PHF3: variants seen among roughly 807,000 people sequenced by gnomAD.
PHF3 encodes PHD finger protein 3.
Under a neutral mutation model 178.4 loss-of-function variants are expected in PHF3, and 41 were observed. The observed-to-expected ratio is 0.23, with a 90% CI of 0.18 to 0.30. The LOEUF (loss-of-function observed/expected upper bound fraction) is 0.30. Ranked by LOEUF, PHF3 falls within the 10% of genes least tolerant of loss-of-function variation. PHF3 has a pLI of 1.00. For synonymous variants in PHF3, 842 were observed against 800.5 expected, an observed-to-expected ratio of 1.05 and a Z score of -0.88; for missense variants, 2,346 against 2,398.1, an observed-to-expected ratio of 0.98 and a Z score of 0.45.
At chr6:63,694,980 CCTCTT>C (rs1479695642) in intron 6 of PHF3, among the ~76,000 whole-genome samples, 1 of 152,100 alleles carries the variant, frequency 6.6e-6, no homozygotes. Context: ...AGATAAGACC[CCTCTT>C]CTCATGGCAC....
Position 63,680,038 on chromosome 6 carries a change from A to G in PHF3, c.283A>G (p.Lys95Glu). 1 of 1,612,534 alleles carries G rather than the reference A, an allele frequency of 6.2e-7. No homozygotes were observed. The highest frequency in any genetic ancestry group is 8.5e-7 in the Non-Finnish European group (1 of 1,179,086). Residue 95 changes from lysine to glutamate, a missense_variant, in exon 3 of 16, where the codon AAA (lysine) becomes GAA (glutamate). Lys to Glu is a moderately conservative substitution (Grantham distance 56). Transcript: ENST00000262043. Reference protein sequence around the residue: ...LDDIMDEGVVKESGNDTIDEE... With the variant: ...LDDIMDEGVVEESGNDTIDEE... ...CGATATTATGGATGAAGGAGTTGTT[A>G]AAGAAAGTGGCAATGATACCATTGA...
intron 14 of PHF3, 63 bp from the exon 15 acceptor site, chr6:63,711,081 ATTATTACTAATTGAGAAATAGTT>A: frequency 3.3e-6 from 3 of 909,232 alleles, no homozygotes; most frequent in Non-Finnish European, 3.2e-6. Context: ...AGTTCAATAG[ATTATTACTAATTGAGAAATAGTT>A]TTAAAACCAA....
Position 63,706,105 on chromosome 6 carries a change from A to C in PHF3, c.3444A>C (p.Ser1148=), listed in dbSNP as rs1186865395. The part of the protein sequence containing the change: ...KVVVGVARKH[S]DNEAESIADA... ...TTGTAGGAGTAGCTCGCAAACATTC[A>C]GACAATGAAGCAGAAAGTATAGCAG... Residue 1148 remains serine, a synonymous_variant, in exon 12 of 16, where the codon TCA becomes TCC. Coordinates refer to ENST00000262043, the MANE Select transcript of PHF3 (RefSeq NM_001370348.2). The C allele has an allele frequency of 1.9e-6, 3 of 1,613,988 alleles. No homozygotes were observed. The highest frequency in any genetic ancestry group is 2.5e-6 in the Non-Finnish European group (3 of 1,179,910).
Position 63,653,395 on chromosome 6 carries a change from C to T in PHF3, c.244+6600C>T, listed in dbSNP as rs145855854. 7.4e-3 allele frequency among the ~76,000 whole-genome samples: 1,123 copies of T among 151,712 alleles called. 13 individuals carry two copies. The highest frequency in any genetic ancestry group is 0.025 in the African/African-American group (1,037 of 41,398). On this transcript the variant is annotated intron_variant, in intron 2 of 15. Transcript: ENST00000262043. ...GTTATTAGTTTTTTTTGTAGTTGTC[C>T]TTGCAGAGATCTTTAACCTCTTGCT...
At chr6:63,679,651 C>T in intron 2 of PHF3, 1 of 357,768 alleles carries the variant, frequency 2.8e-6, no homozygotes, top group Non-Finnish European at 5.5e-6. Context: ...TCCTGTACTA[C>T]CTTAACCAAA....
chr6:63,640,558 C>G (rs532057309), intron 1 of PHF3, among the ~76,000 whole-genome samples: 1 of 152,314 alleles, frequency 6.6e-6, no homozygotes, highest in Admixed American at 6.5e-5. Flanking sequence ...ACCTTACAAA[C>G]ACATAGGGCA....
At chr6:63,655,461 C>T (rs938208865) in intron 2 of PHF3, among the ~76,000 whole-genome samples, 1 of 152,146 alleles carries the variant, frequency 6.6e-6, no homozygotes, top group Admixed American at 6.5e-5. Flanking sequence ...GAGCTGCCCA[C>T]CTTAGCCCCC....
chr6:63,701,074 C>T (rs1767454098), intron 9 of PHF3, among the ~76,000 whole-genome samples: 1 of 152,116 alleles, frequency 6.6e-6, no homozygotes, highest in Non-Finnish European at 1.5e-5. Context: ...TTCAGCAGCA[C>T]AGTTTGAAGG....
At chr6:63,702,028 G>C (rs2149602127) in intron 9 of PHF3, among the ~76,000 whole-genome samples, 1 of 152,250 alleles carries the variant, frequency 6.6e-6, no homozygotes, top group East Asian at 1.9e-4. Flanking sequence ...CGAATTTTCA[G>C]GGTCACTAAG....
intron 1 of PHF3, among the ~76,000 whole-genome samples, chr6:63,642,289 T>G (rs1019716656): frequency 2.0e-5 from 3 of 152,240 alleles, no homozygotes; most frequent in African/African-American, 7.2e-5. Context: ...TGCCTAGCCT[T>G]TGTTAGCTTC....
chr6:63,711,443 C>T (rs991237441), intron 15 of PHF3, 81 bp downstream of exon 15: 17 of 1,372,170 alleles, frequency 1.2e-5, no homozygotes, highest in Non-Finnish European at 1.6e-5. Context: ...ATTCTGCCTT[C>T]TTTCTCAGGA....
Position 63,722,398 on chromosome 6 carries a change from A to AT in PHF3, c.*8697dup, listed in dbSNP as rs1768434111. Among the ~76,000 whole-genome samples the AT allele has an allele frequency of 6.6e-6, 1 of 152,080 alleles. No individual in the cohort carries two copies. Among genetic ancestry groups the AT allele is most frequent in the South Asian group, 2.1e-4 (1 of 4,818 alleles). On this transcript the variant is annotated 3_prime_UTR_variant, in exon 16 of 16. Transcript: ENST00000262043. ...CTTGATTTCCCAGAGCTGGTCAGGA[A>AT]TTTTTTTCTGTCAGTGCCTTAATAT... is the stretch of plus-strand genomic sequence containing the variant.
At position 63,684,716 on chromosome 6, in the gene PHF3, G is replaced by T; in HGVS notation, c.994G>T (p.Asp332Tyr). 6.2e-7 allele frequency: 1 copy of T among 1,613,630 alleles called. No homozygotes were observed. Among genetic ancestry groups the T allele is most frequent in the Non-Finnish European group, 8.5e-7 (1 of 1,179,622 alleles). ...GGAGACAGTAAAATTATCCCATGAA[G>T]ATGACCATATTCTTGAGGACGCTGG... ...SKETVKLSHE[D>Y]DHILEDAGSS... Residue 332 changes from aspartate (D) to tyrosine (Y), a missense_variant, in exon 4 of 16, where the codon GAT becomes TAT. Asp to Tyr is a radical substitution (Grantham distance 160). This residue lies in a region of PHF3 where 843 missense variants were observed against 795.2 expected (regional missense o/e 1.06). Coordinates refer to ENST00000262043, the MANE Select transcript of PHF3 (RefSeq NM_001370348.2).
intron 4 of PHF3, among the ~76,000 whole-genome samples, chr6:63,691,246 G>T (rs542958222): frequency 2.0e-5 from 3 of 152,066 alleles, no homozygotes; most frequent in South Asian, 4.1e-4. Flanking sequence ...ACTATTGTTG[G>T]TTTTTTCTTT....
intron 6 of PHF3, among the ~76,000 whole-genome samples, chr6:63,695,596 G>A (rs1015681301): frequency 2.6e-5 from 4 of 152,198 alleles, no homozygotes; most frequent in African/African-American, 9.7e-5. Context: ...AACCTTTAGA[G>A]GGTTTTGTGC....
chr6:63,699,180 A>G (rs1767365404), intron 8 of PHF3, among the ~76,000 whole-genome samples: 1 of 152,164 alleles, frequency 6.6e-6, no homozygotes, highest in African/African-American at 2.4e-5. Context: ...AAGGCTGTGC[A>G]TGTGTGTGCG....
chr6:63,678,724 A>G lies in PHF3; in HGVS notation c.245-1276A>G, dbSNP rs528678140. 1,273 of 405,840 alleles carry G rather than the reference A, an allele frequency of 3.1e-3. 24 individuals are homozygous for G. The highest frequency in any genetic ancestry group is 0.024 in the South Asian group (1,250 of 52,548). 25.1% of individuals were successfully genotyped at this position (405,840 alleles called of 1,614,324 possible). A position where few individuals can be genotyped will look rare whatever the true frequency, so the allele number is the denominator to read the frequency against. The stretch of plus-strand genomic sequence containing the variant: ...TCTTTAAATTTATTTTGATCAAAGC[A>G]TATGAGCAGTTTCATGATTCTGTTT... On this transcript the variant is annotated intron_variant, in intron 2 of 15. Transcript: ENST00000262043.
At position 63,685,080 on chromosome 6, in the gene PHF3, C is replaced by T. The variant is rs1445146560; in HGVS notation, c.1358C>T (p.Ala453Val). The change falls in exon 4 of 16, where the codon GCT becomes GTT. Residue 453 changes from alanine to valine, a missense_variant. Physicochemically the swap from Ala to Val is moderately conservative, Grantham distance 64. Around this residue, in one of 8 missense-constraint regions of PHF3, gnomAD observed 843 missense variants for 795.2 expected, o/e 1.06. Transcript: ENST00000262043. Reference protein sequence around the residue: ...VPDQNSKQLNAIESTKIESHE... With the variant: ...VPDQNSKQLNVIESTKIESHE... ...GACCAAAATTCAAAACAGTTGAATG[C>T]TATAGAAAGTACTAAAATAGAGTCC... 2.5e-6 allele frequency: 4 copies of T among 1,613,722 alleles called. No individual in the cohort carries two copies. In the African/African-American group the frequency reaches 5.3e-5, roughly 22 times the overall value.
At chr6:63,662,213 A>G (rs1765497875) in intron 2 of PHF3, among the ~76,000 whole-genome samples, 1 of 152,130 alleles carries the variant, frequency 6.6e-6, no homozygotes. Flanking sequence ...GGTGCCAAAA[A>G]GGTTGGGGGC....
Sources: gnomAD v4.1 joint callset for allele counts (sites outside exome capture counted in the v4.1 genomes callset) on GRCh38, gnomAD v4.1.1 for gene constraint, gnomAD v4.1.1 regional missense constraint, MANE v1.5 for transcripts, NCBI Gene and HGNC (gene_info 2026-07-23, HGNC 2026-07-21) for gene names.